The following RBPMS2 variants were observed in gnomAD, a reference collection of about 807,000 sequenced individuals.
RBPMS2 encodes the protein RNA binding protein, mRNA processing factor 2, also known as RNA-binding protein with multiple splicing 2.
A neutral mutation model predicts 25.7 loss-of-function variants in RBPMS2; 14 were observed. That is an observed-to-expected ratio of 0.55 (90% CI 0.36 to 0.85). RBPMS2 has a LOEUF of 0.85. RBPMS2 is among the 40% of genes least tolerant of loss of function. RBPMS2 has a pLI of 0.01. For missense variants in RBPMS2, 252 were observed against 283.4 expected, an observed-to-expected ratio of 0.89 and a Z score of 0.80; for synonymous variants, 127 against 115.6, an observed-to-expected ratio of 1.10 and a Z score of -0.63.
intron 5 of RBPMS2, 67 bp downstream of exon 5, chr15:64,748,933 G>A (rs183628612): frequency 7.0e-6 from 11 of 1,565,226 alleles, no homozygotes; most frequent in South Asian, 1.2e-5. Flanking sequence ...GCTTCCCTCT[G>A]CAAGAGCCTG....
intron 1 of RBPMS2, among the ~76,000 whole-genome samples, chr15:64,768,794 T>C (rs1008043026): frequency 2.4e-3 from 95 of 39,470 alleles, no homozygotes; most frequent in African/African-American, 4.7e-3. Context: ...AGACCCCGTC[T>C]ATAAAAAAAA....
chr15:64,743,441 G>A (rs995165603), intron 6 of RBPMS2, among the ~76,000 whole-genome samples: 6 of 152,278 alleles, frequency 3.9e-5, no homozygotes, highest in African/African-American at 1.4e-4. Flanking sequence ...TGCCACTGAA[G>A]CAGACGGAAT....
At chr15:64,767,285 T>C (rs917858262) in intron 1 of RBPMS2, among the ~76,000 whole-genome samples, 1 of 152,018 alleles carries the variant, frequency 6.6e-6, no homozygotes, top group Non-Finnish European at 1.5e-5. Context: ...ATTTCTGAAG[T>C]GTAGGGGACA....
intron 1 of RBPMS2, among the ~76,000 whole-genome samples, chr15:64,767,437 A>G (rs1441846198): frequency 6.6e-6 from 1 of 152,148 alleles, no homozygotes; most frequent in African/African-American, 2.4e-5. Flanking sequence ...AGAACCCAGC[A>G]CTGTAGTTCA....
chr15:64,749,207 T>A, intron 4 of RBPMS2, 57 bp from the exon 5 acceptor site: 1 of 1,594,788 alleles, frequency 6.3e-7, no homozygotes, highest in African/African-American at 1.3e-5. Context: ...AGAGTGTTAA[T>A]GGCAGAGAGT....
At chr15:64,758,727 G>A (rs569072594) in intron 1 of RBPMS2, among the ~76,000 whole-genome samples, 8 of 151,722 alleles carry the variant, frequency 5.3e-5, no homozygotes, top group East Asian at 2.0e-4. Flanking sequence ...TGCCTCTAGA[G>A]TCACAGGGAG....
intron 1 of RBPMS2, among the ~76,000 whole-genome samples, chr15:64,764,864 G>T (rs2083828428): frequency 6.7e-6 from 1 of 149,292 alleles, no homozygotes; most frequent in African/African-American, 2.5e-5. Context: ...CTGGCAATGA[G>T]CTGAGACCAC....
chr15:64,747,370 C>T (rs1489216816), intron 6 of RBPMS2, among the ~76,000 whole-genome samples: 1 of 152,112 alleles, frequency 6.6e-6, no homozygotes, highest in African/African-American at 2.4e-5. Flanking sequence ...CTCCTGTGAA[C>T]CCTCCTTTCT....
chr15:64,774,359 A>G (rs2083912759), intron 1 of RBPMS2, among the ~76,000 whole-genome samples: 1 of 152,118 alleles, frequency 6.6e-6, no homozygotes, highest in Non-Finnish European at 1.5e-5. Context: ...CCGCCAGCCT[A>G]GCTCCTCGTC....
chr15:64,759,515 G>A lies in RBPMS2; in HGVS notation c.88-7877C>T, dbSNP rs557493704. 8.5e-5 allele frequency among the ~76,000 whole-genome samples: 13 copies of A among 152,188 alleles called. No individual in the cohort carries two copies. The South Asian group carries it at 2.1e-3, about 24-fold the overall frequency. On this transcript the variant is annotated intron_variant, in intron 1 of 7. Coordinates refer to ENST00000300069, the MANE Select transcript of RBPMS2 (RefSeq NM_194272.3). Reference sequence around the variant, plus strand: ...ACAAACCCATTCCCATCTACGTGTCGGTGATGTTCTTCCTTCAGACAAACT... The same window carrying A: ...ACAAACCCATTCCCATCTACGTGTCAGTGATGTTCTTCCTTCAGACAAACT...
At chr15:64,753,030 A>C (rs914766410) in intron 1 of RBPMS2, among the ~76,000 whole-genome samples, 1 of 152,184 alleles carries the variant, frequency 6.6e-6, no homozygotes, top group Non-Finnish European at 1.5e-5. Flanking sequence ...ACCGGATGCT[A>C]AACTAGCAAG....
intron 1 of RBPMS2, among the ~76,000 whole-genome samples, chr15:64,773,441 G>C (rs975875984): frequency 1.3e-5 from 2 of 152,204 alleles, no homozygotes; most frequent in Non-Finnish European, 2.9e-5. Context: ...CAAGTGCGCG[G>C]ATTTGGAACC....
At chr15:64,759,787 C>T (rs892130824) in intron 1 of RBPMS2, among the ~76,000 whole-genome samples, 5 of 152,326 alleles carry the variant, frequency 3.3e-5, no homozygotes, top group Non-Finnish European at 7.3e-5. Context: ...ATTCTCCTGC[C>T]TCAGCCTCCG....
At chr15:64,766,067 G>A (rs1455437345) in intron 1 of RBPMS2, among the ~76,000 whole-genome samples, 2 of 152,090 alleles carry the variant, frequency 1.3e-5, no homozygotes, top group Non-Finnish European at 2.9e-5. Flanking sequence ...CTAAAAGATA[G>A]TTGAGGAGGG....
chr15:64,757,922 G>A (rs2083749163), intron 1 of RBPMS2, among the ~76,000 whole-genome samples: 1 of 152,136 alleles, frequency 6.6e-6, no homozygotes, highest in Non-Finnish European at 1.5e-5. Context: ...GCTGCAGTGA[G>A]TCATGATTGC....
chr15:64,764,667 G>C (rs1038845484), intron 1 of RBPMS2, among the ~76,000 whole-genome samples: 1 of 152,158 alleles, frequency 6.6e-6, no homozygotes, highest in African/African-American at 2.4e-5. Context: ...TGTTATCCCA[G>C]CACTTTGAGA....
chr15:64,757,665 T>A (rs1431108842), intron 1 of RBPMS2, among the ~76,000 whole-genome samples: 1 of 152,158 alleles, frequency 6.6e-6, no homozygotes, highest in African/African-American at 2.4e-5. Context: ...AACAGAGACA[T>A]GCAGTTACTT....
chr15:64,744,847 C>T (rs1324585516), intron 6 of RBPMS2, among the ~76,000 whole-genome samples: 2 of 108,408 alleles, frequency 1.8e-5, no homozygotes, highest in African/African-American at 3.6e-5. Context: ...CAGAGTCTCG[C>T]TCTGTCACCC....
In RBPMS2 at chr15:64,740,001, G is replaced by T. The variant is rs190381089; in HGVS notation, c.*1007C>A. The T allele has an allele frequency of 1.3e-5, 2 of 152,642 alleles. No homozygotes were observed. Among genetic ancestry groups the T allele is most frequent in the African/African-American group, 2.4e-5 (1 of 41,456 alleles). The allele number at this position is 152,642 out of a possible 1,614,324, so 9.5% of individuals were successfully genotyped here. On this transcript the variant is annotated 3_prime_UTR_variant, in exon 8 of 8. Transcript: ENST00000300069. ...TCTCCCAAGTCTGAAATGGCCAGAC[G>T]GTCACAGCTGCGGCTGACAGTAAAG...
Sources: allele counts gnomAD v4.1 joint callset (sites outside exome capture counted in the v4.1 genomes callset), GRCh38; gene constraint gnomAD v4.1.1; transcripts MANE v1.5; gene names NCBI Gene and HGNC (gene_info 2026-07-23, HGNC 2026-07-21).